The following PADI3 variants were observed in gnomAD, a reference collection of about 807,000 sequenced individuals.
The protein encoded by PADI3 is protein-arginine deiminase type-3.
Under a neutral mutation model 71.5 loss-of-function variants are expected in PADI3, and 53 were observed. The ratio of observed to expected loss-of-function variants is 0.74; its 90% confidence interval spans 0.59 to 0.93. PADI3 has a LOEUF of 0.93. Ranked by LOEUF, PADI3 falls within the 40% of genes least tolerant of loss-of-function variation. PADI3 has a pLI of 0.00. For synonymous variants in PADI3, 361 were observed against 347.5 expected (o/e 1.04, Z -0.43); for missense variants, 821 against 868.0 (o/e 0.95, Z 0.68).
intron 2 of PADI3, among the ~76,000 whole-genome samples, chr1:17,261,719 G>A (rs577189342): frequency 3.1e-4 from 47 of 152,234 alleles, no homozygotes; most frequent in Non-Finnish European, 6.2e-4. Flanking sequence ...GTAGGTGAGA[G>A]GCCTTGGCCA....
chr1:17,250,495 G>A (rs1334282066), intron 1 of PADI3, among the ~76,000 whole-genome samples: 1 of 152,174 alleles, frequency 6.6e-6, no homozygotes. Context: ...ACTTAGTCGG[G>A]AGCAGCGATG....
rs115346952 is a variant in PADI3 at position 17,274,968 on chromosome 1, G to A, written c.1307+182G>A. Among the ~76,000 whole-genome samples, 1,001 of 151,574 alleles carry A rather than the reference G, an allele frequency of 6.6e-3. 16 individuals carry two copies. Among genetic ancestry groups the A allele is most frequent in the African/African-American group, 0.024 (968 of 40,912 alleles). ...ACCAGACACAGTCCACACTTACCTC[G>A]GGGACTCTGAAACCAGAGAGAGCAG... is the stretch of plus-strand genomic sequence containing the variant. On this transcript the variant is annotated intron_variant, in intron 11 of 15. Coordinates refer to ENST00000375460, the MANE Select transcript of PADI3 (RefSeq NM_016233.2).
intron 1 of PADI3, among the ~76,000 whole-genome samples, chr1:17,249,595 AG>A (rs1430827096): frequency 6.6e-6 from 1 of 152,216 alleles, no homozygotes; most frequent in East Asian, 1.9e-4. Flanking sequence ...AGATATCCCC[AG>A]CCCCATCCTG....
intron 4 of PADI3, 75 bp downstream of exon 4, chr1:17,265,795 G>T: frequency 1.5e-6 from 2 of 1,312,796 alleles, no homozygotes; most frequent in Non-Finnish European, 1.1e-6. Context: ...AGAAGGATGA[G>T]GCCATTACAG....
intron 5 of PADI3, among the ~76,000 whole-genome samples, chr1:17,267,449 C>T (rs2073185146): frequency 6.6e-6 from 1 of 152,160 alleles, no homozygotes; most frequent in Non-Finnish European, 1.5e-5. Context: ...GAAGTGGGCA[C>T]CATTGGACAT....
chr1:17,273,423 G>A lies in PADI3; in HGVS notation c.1131G>A (p.Gln377=). 1.2e-6 allele frequency: 2 copies of A among 1,613,402 alleles called. No homozygotes were observed. Among genetic ancestry groups the A allele is most frequent in the Non-Finnish European group, 1.7e-6 (2 of 1,179,496 alleles). The change falls in exon 10 of 16, where the codon CAG becomes CAA. Residue 377 remains glutamine (Q), a synonymous_variant. Transcript: ENST00000375460. ...ACTCCCCAAGGAATGGGGAACTGCAGGATTTCCCTTACAAAAGAATCCTGG... is the reference window on the plus strand; with the variant it reads ...ACTCCCCAAGGAATGGGGAACTGCAAGATTTCCCTTACAAAAGAATCCTGG... The part of the protein sequence containing the change: ...VFDSPRNGEL[Q]DFPYKRILGP...
intron 2 of PADI3, 74 bp from the exon 3 acceptor site, chr1:17,262,059 A>G: frequency 7.5e-7 from 1 of 1,340,568 alleles, no homozygotes; most frequent in Non-Finnish European, 1.1e-6. Flanking sequence ...TCCTTACCAG[A>G]TCCCCGAGAG....
chr1:17,276,030 G>A lies in PADI3; in HGVS notation c.1308-489G>A, dbSNP rs553483599. ...GCCTCATGCAGAACTCACCCTAAGT[G>A]GAATTTTAAAATATACGTATCTGGC... is the stretch of plus-strand genomic sequence containing the variant. On this transcript the variant is annotated intron_variant, in intron 11 of 15. Coordinates refer to ENST00000375460, the MANE Select transcript of PADI3 (RefSeq NM_016233.2). Among the ~76,000 whole-genome samples the A allele has an allele frequency of 2.0e-4, 30 of 152,182 alleles. No homozygotes were observed. In the South Asian group the frequency reaches 5.4e-3, roughly 27 times the overall value.
chr1:17,266,960 A>T, intron 5 of PADI3, 124 bp downstream of exon 5: 1 of 738,008 alleles, frequency 1.4e-6, no homozygotes. Context: ...GCCTCCAGAC[A>T]CACCTCGATG....
chr1:17,254,873 C>T lies in PADI3; in HGVS notation c.93-4705C>T, dbSNP rs145029888. On this transcript the variant is annotated intron_variant, in intron 1 of 15. Coordinates refer to ENST00000375460, the MANE Select transcript of PADI3 (RefSeq NM_016233.2). ...CCGGGATTACAGGCATATGCCACCACGCCCGGCTAGTTTTGTATTTTTAGT... is the reference window on the plus strand; with the variant it reads ...CCGGGATTACAGGCATATGCCACCATGCCCGGCTAGTTTTGTATTTTTAGT... Among the ~76,000 whole-genome samples, 741 of 152,222 alleles carry T rather than the reference C, an allele frequency of 4.9e-3. 4 individuals are homozygous for T. The highest frequency in any genetic ancestry group is 0.017 in the African/African-American group (708 of 41,514).
intron 1 of PADI3, among the ~76,000 whole-genome samples, chr1:17,257,085 G>T (rs1226562940): frequency 6.6e-6 from 1 of 150,736 alleles, no homozygotes; most frequent in East Asian, 1.9e-4. Flanking sequence ...TGGAAGGCGA[G>T]TGCCTCAGGA....
chr1:17,270,614 C>T (rs1297055523), intron 7 of PADI3, among the ~76,000 whole-genome samples: 3 of 151,970 alleles, frequency 2.0e-5, no homozygotes, highest in Admixed American at 6.6e-5. Flanking sequence ...CACCCCACTG[C>T]ACTCCACAGC....
At chr1:17,255,479 T>C (rs921250567) in intron 1 of PADI3, among the ~76,000 whole-genome samples, 1 of 152,198 alleles carries the variant, frequency 6.6e-6, no homozygotes, top group East Asian at 1.9e-4. Context: ...GAAGCCAGCA[T>C]GTGACAGCTC....
intron 6 of PADI3, among the ~76,000 whole-genome samples, chr1:17,269,130 C>T (rs2073211493): frequency 6.6e-6 from 1 of 152,096 alleles, no homozygotes; most frequent in Admixed American, 6.5e-5. Context: ...AGCAATCCAC[C>T]CGCTTTGGCC....
chr1:17,255,609 T>C (rs2073018483), intron 1 of PADI3, among the ~76,000 whole-genome samples: 1 of 152,146 alleles, frequency 6.6e-6, no homozygotes, highest in African/African-American at 2.4e-5. Context: ...TGATGCAGGT[T>C]CTCCTCCCAG....
Position 17,283,108 on chromosome 1 carries a change from C to G in PADI3, c.*29C>G. 1 of 1,576,558 alleles carries G rather than the reference C, an allele frequency of 6.3e-7. No homozygotes were observed. The highest frequency in any genetic ancestry group is 8.7e-7 in the Non-Finnish European group (1 of 1,147,692). ...AGCTCCCACCCACCATCCTGTCCCCCTGGGGCGGGCATTGGCCCAGGTGGT... is the reference window on the plus strand; with the variant it reads ...AGCTCCCACCCACCATCCTGTCCCCGTGGGGCGGGCATTGGCCCAGGTGGT... On this transcript the variant is annotated 3_prime_UTR_variant, in exon 16 of 16. Transcript: ENST00000375460.
chr1:17,265,797 C>A, intron 4 of PADI3, 77 bp downstream of exon 4: 1 of 1,290,408 alleles, frequency 7.7e-7, no homozygotes, highest in Non-Finnish European at 1.1e-6. Context: ...AAGGATGAGG[C>A]CATTACAGAT....
chr1:17,260,305 A>T (rs1379918662), intron 2 of PADI3, among the ~76,000 whole-genome samples: 2 of 152,104 alleles, frequency 1.3e-5, no homozygotes, highest in East Asian at 1.9e-4. Flanking sequence ...AGGGTAGGGG[A>T]CATTTAACAC....
At chr1:17,262,254 A>G in intron 3 of PADI3, 49 bp downstream of exon 3, 1 of 1,393,014 alleles carries the variant, frequency 7.2e-7, no homozygotes, top group Non-Finnish European at 9.9e-7. Context: ...CATTTGAAAA[A>G]TTCAAGCAGT....
Sources: allele counts gnomAD v4.1 joint callset (sites outside exome capture counted in the v4.1 genomes callset), GRCh38; gene constraint gnomAD v4.1.1; transcripts MANE v1.5; gene names NCBI Gene and HGNC (gene_info 2026-07-23, HGNC 2026-07-21).